The following USP47 variants were observed in gnomAD, a reference collection of about 807,000 sequenced individuals.
The protein encoded by USP47 is ubiquitin specific peptidase 47.
Under a neutral mutation model 165.1 loss-of-function variants are expected in USP47, and 35 were observed. The ratio of observed to expected loss-of-function variants is 0.21; its 90% confidence interval spans 0.16 to 0.28. USP47 has a LOEUF of 0.28. Among genes scored for constraint, USP47 ranks in the 10% least tolerant of loss-of-function variants. The pLI is 1.00. For missense variants in USP47, 1,277 were observed against 1,607.4 expected (o/e 0.79, Z 3.52); for synonymous variants, 531 against 544.5 (o/e 0.98, Z 0.35).
intron 1 of USP47, among the ~76,000 whole-genome samples, chr11:11,859,870 G>A (rs372604671): frequency 8.6e-5 from 13 of 151,966 alleles, no homozygotes; most frequent in African/African-American, 2.7e-4. Flanking sequence ...TTGGGAGGCC[G>A]AGGCAGGCGA....
intron 11 of USP47, among the ~76,000 whole-genome samples, chr11:11,926,258 GT>G (rs751631232): frequency 2.0e-4 from 30 of 152,124 alleles, no homozygotes; most frequent in Non-Finnish European, 3.8e-4. Flanking sequence ...AAGGATTCGT[GT>G]TAATTCTTCA....
chr11:11,851,941 TAC>T (rs1350704214), intron 1 of USP47, among the ~76,000 whole-genome samples: 1 of 152,198 alleles, frequency 6.6e-6, no homozygotes, highest in African/African-American at 2.4e-5. Context: ...ATGATGCTGA[TAC>T]GTACTACTGG....
chr11:11,858,363 T>G (rs1849182769), intron 1 of USP47, among the ~76,000 whole-genome samples: 1 of 152,196 alleles, frequency 6.6e-6, no homozygotes, highest in Admixed American at 6.5e-5. Flanking sequence ...AGTGAGACTT[T>G]TTGTTTTTTA....
At chr11:11,926,596 T>C (rs1374540154) in intron 11 of USP47, among the ~76,000 whole-genome samples, 1 of 152,082 alleles carries the variant, frequency 6.6e-6, no homozygotes, top group East Asian at 1.9e-4. Flanking sequence ...TTGTAAACTT[T>C]GTTGATCTTT....
At position 11,942,686 on chromosome 11, in the gene USP47, G is replaced by A. The variant is rs1442593447; in HGVS notation, c.2665G>A (p.Glu889Lys). 8 of 1,613,498 alleles carry A rather than the reference G, an allele frequency of 5.0e-6. No individual in the cohort carries two copies. Among genetic ancestry groups the A allele is most frequent in the Non-Finnish European group, 5.9e-6 (7 of 1,179,754 alleles). Residue 889 changes from glutamate (E) to lysine (K), a missense_variant, in exon 20 of 28, where the codon GAA becomes AAA. Glu to Lys is a moderately conservative substitution (Grantham distance 56). Coordinates refer to ENST00000527733, the MANE Select transcript of USP47 (RefSeq NM_001282659.2). ...STETSDFENIESPLNERDSSA... is the reference protein window; with the variant it reads ...STETSDFENIKSPLNERDSSA... ...TGAGACAAGTGACTTTGAAAACATC[G>A]AATCACCTCTCAATGAGAGGGACTC... is the stretch of plus-strand genomic sequence containing the variant.
At chr11:11,867,692 T>C (rs1849771480) in intron 1 of USP47, among the ~76,000 whole-genome samples, 1 of 152,196 alleles carries the variant, frequency 6.6e-6, no homozygotes, top group African/African-American at 2.4e-5. Context: ...GGTACCATGT[T>C]TACACACAGT....
At chr11:11,936,192 C>T (rs1855050264) in intron 16 of USP47, 111 bp from the exon 17 acceptor site, 2 of 469,418 alleles carry the variant, frequency 4.3e-6, no homozygotes, top group Admixed American at 4.9e-5. Flanking sequence ...TTGTTAGGGC[C>T]TATTGTAATG....
chr11:11,861,676 A>G (rs1221451927), intron 1 of USP47, among the ~76,000 whole-genome samples: 4 of 152,182 alleles, frequency 2.6e-5, no homozygotes, highest in African/African-American at 9.6e-5. Context: ...CTGTTTTAGA[A>G]TAAAATGGAA....
rs766963915 is a variant in USP47, at chr11:11,891,929, T to C, written c.358-39T>C. ...GGTGAATGCTGTTGTTTCAGCAACATTTGCTATTTACTAACTATTTGAATA... is the reference window on the plus strand; with the variant it reads ...GGTGAATGCTGTTGTTTCAGCAACACTTGCTATTTACTAACTATTTGAATA... On this transcript the variant is annotated intron_variant, in intron 3 of 27. Coordinates refer to ENST00000527733, the MANE Select transcript of USP47 (RefSeq NM_001282659.2). 4.4e-6 allele frequency: 7 copies of C among 1,591,170 alleles called. No homozygotes were observed. The South Asian group carries it at 5.7e-5, about 13-fold the overall frequency.
chr11:11,861,228 G>A (rs1392993650), intron 1 of USP47, among the ~76,000 whole-genome samples: 1 of 152,140 alleles, frequency 6.6e-6, no homozygotes, highest in Non-Finnish European at 1.5e-5. Flanking sequence ...CTAAGTAGCT[G>A]GAATTACAGG....
chr11:11,908,552 AAGT>A (rs917106572), intron 8 of USP47, among the ~76,000 whole-genome samples: 1 of 152,072 alleles, frequency 6.6e-6, no homozygotes, highest in African/African-American at 2.4e-5. Flanking sequence ...ATAGGACTGA[AAGT>A]AGCACTCATC....
At chr11:11,926,708 T>G (rs1479973511) in intron 11 of USP47, among the ~76,000 whole-genome samples, 1 of 151,332 alleles carries the variant, frequency 6.6e-6, no homozygotes, top group Non-Finnish European at 1.5e-5. Flanking sequence ...TCTAGTTTTT[T>G]TCTTCTTCTT....
chr11:11,884,611 AT>A, intron 3 of USP47, 31 bp downstream of exon 3: 1 of 1,527,160 alleles, frequency 6.5e-7, no homozygotes, highest in Admixed American at 2.0e-5. Context: ...CATATTTATA[AT>A]TTTTGTGCAC....
intron 8 of USP47, among the ~76,000 whole-genome samples, chr11:11,915,699 G>A (rs149126936): frequency 5.9e-5 from 9 of 152,124 alleles, no homozygotes; most frequent in African/African-American, 2.2e-4. Context: ...AGACAGCTTA[G>A]GTAAAAGTAT....
intron 1 of USP47, among the ~76,000 whole-genome samples, chr11:11,857,600 G>A (rs1849122772): frequency 1.3e-5 from 2 of 152,188 alleles, no homozygotes; most frequent in African/African-American, 4.8e-5. Context: ...CAGGAGAATA[G>A]AGTCTGGACT....
At chr11:11,900,801 A>G (rs1319799352) in intron 5 of USP47, among the ~76,000 whole-genome samples, 1 of 152,226 alleles carries the variant, frequency 6.6e-6, no homozygotes, top group Non-Finnish European at 1.5e-5. Context: ...CAAGACTTAA[A>G]ACCTTTTCAG....
rs556139176 is a variant in USP47, at chr11:11,853,992, G to A, written c.39+11768G>A. On this transcript the variant is annotated intron_variant, in intron 1 of 27. Transcript: ENST00000527733. ...TAAAATAAAATAAAAAAAATTAGCC[G>A]GGTGTGGTGGTGGGCGCCTGTAGTC... 2.6e-4 allele frequency among the ~76,000 whole-genome samples: 39 copies of A among 151,740 alleles called. 1 individual carries two copies. The South Asian group carries it at 3.6e-3, about 14-fold the overall frequency.
At chr11:11,850,876 C>T (rs1848687898) in intron 1 of USP47, among the ~76,000 whole-genome samples, 1 of 152,220 alleles carries the variant, frequency 6.6e-6, no homozygotes, top group Non-Finnish European at 1.5e-5. Context: ...CAGAGCAGCA[C>T]CGTCTCGCTG....
chr11:11,956,133 A>T lies in USP47; in HGVS notation c.4026A>T (p.Ile1342=). Residue 1342 remains isoleucine, a synonymous_variant, in exon 28 of 28, where the codon ATA becomes ATT. Coordinates refer to ENST00000527733, the MANE Select transcript of USP47 (RefSeq NM_001282659.2). The part of the protein sequence containing the change: ...YSPRKEKALK[I]YLDGAPNKDL... ...CTCGTAAAGAGAAAGCACTAAAAATATATCTGGATGGAGCACCAAATAAAG... is the reference window on the plus strand; with the variant it reads ...CTCGTAAAGAGAAAGCACTAAAAATTTATCTGGATGGAGCACCAAATAAAG... 6.2e-7 allele frequency: 1 copy of T among 1,613,914 alleles called. No individual in the cohort carries two copies. Among genetic ancestry groups the T allele is most frequent in the East Asian group, 2.2e-5 (1 of 44,850 alleles).
Sources: gnomAD v4.1 joint callset for allele counts (sites outside exome capture counted in the v4.1 genomes callset) on GRCh38, gnomAD v4.1.1 for gene constraint, MANE v1.5 for transcripts, NCBI Gene and HGNC (gene_info 2026-07-23, HGNC 2026-07-21) for gene names.